The following GRIK3 variants were observed in gnomAD, a reference collection of about 807,000 sequenced individuals.
GRIK3 encodes the protein glutamate receptor ionotropic, kainate 3.
In GRIK3, 29 loss-of-function variants were observed where a neutral mutation model predicts 102.5. The observed-to-expected ratio is 0.28, with a 90% CI of 0.21 to 0.39. The LOEUF (loss-of-function observed/expected upper bound fraction) is 0.39, where lower values mean the gene tolerates loss of function less well. Among genes scored for constraint, GRIK3 ranks in the 10% least tolerant of loss-of-function variants. The pLI is 1.00. For synonymous variants in GRIK3, 511 were observed against 504.9 expected, an observed-to-expected ratio of 1.01 and a Z score of -0.16; for missense variants, 908 against 1,252.4, an observed-to-expected ratio of 0.73 and a Z score of 4.15.
intron 10 of GRIK3, among the ~76,000 whole-genome samples, chr1:36,837,022 C>T (rs1308904578): frequency 6.6e-6 from 1 of 152,018 alleles, no homozygotes; most frequent in Non-Finnish European, 1.5e-5. Flanking sequence ...GGGCCTCCTT[C>T]ACCCCATGCT....
At chr1:36,938,774 G>A (rs902732124) in intron 1 of GRIK3, among the ~76,000 whole-genome samples, 1 of 152,210 alleles carries the variant, frequency 6.6e-6, no homozygotes, top group Non-Finnish European at 1.5e-5. Flanking sequence ...CTGTTGGGGG[G>A]TTGACAGCTG....
chr1:36,903,412 CA>C (rs1641252023), intron 1 of GRIK3, among the ~76,000 whole-genome samples: 1 of 152,328 alleles, frequency 6.6e-6, no homozygotes, highest in Admixed American at 6.5e-5. Flanking sequence ...AAAAGTTTTT[CA>C]ATTGCTTATG....
At chr1:36,821,661 G>A (rs1018368997) in intron 11 of GRIK3, among the ~76,000 whole-genome samples, 17 of 152,318 alleles carry the variant, frequency 1.1e-4, no homozygotes, top group Admixed American at 5.9e-4. Flanking sequence ...AGCCCAGGCC[G>A]ACTTTGACTC....
chr1:36,913,806 C>T (rs1221206267), intron 1 of GRIK3, among the ~76,000 whole-genome samples: 1 of 152,164 alleles, frequency 6.6e-6, no homozygotes, highest in Non-Finnish European at 1.5e-5. Flanking sequence ...CACTGCCGTC[C>T]ACCATCGGCC....
At chr1:36,869,850 C>G in intron 4 of GRIK3, 49 bp from the exon 5 acceptor site, 1 of 1,362,870 alleles carries the variant, frequency 7.3e-7, no homozygotes, top group Non-Finnish European at 1.1e-6. Context: ...CCTGGGCAGC[C>G]CTCCCCACAT....
intron 1 of GRIK3, among the ~76,000 whole-genome samples, chr1:36,892,846 G>A (rs1056955429): frequency 2.0e-5 from 3 of 152,058 alleles, no homozygotes; most frequent in Non-Finnish European, 4.4e-5. Context: ...ATAGATCAAA[G>A]GAACAGGATA....
At chr1:36,983,168 C>T (rs983923704) in intron 1 of GRIK3, among the ~76,000 whole-genome samples, 4 of 152,160 alleles carry the variant, frequency 2.6e-5, no homozygotes, top group African/African-American at 7.2e-5. Context: ...ACACCGACAC[C>T]GAGGACTGCC....
intron 1 of GRIK3, among the ~76,000 whole-genome samples, chr1:37,005,284 T>C (rs993662438): frequency 6.6e-6 from 1 of 152,134 alleles, no homozygotes; most frequent in African/African-American, 2.4e-5. Context: ...TGTGGCTGCA[T>C]CTCTGTCCCC....
chr1:36,856,462 T>G (rs1008724381), intron 7 of GRIK3, among the ~76,000 whole-genome samples: 1 of 152,186 alleles, frequency 6.6e-6, no homozygotes, highest in Non-Finnish European at 1.5e-5. Context: ...GGCCTGGTAT[T>G]TTCCAGCTCC....
intron 1 of GRIK3, among the ~76,000 whole-genome samples, chr1:36,931,415 ACT>A (rs1301664150): frequency 1.3e-5 from 2 of 151,798 alleles, no homozygotes; most frequent in South Asian, 4.2e-4. Flanking sequence ...AGGTTTCATC[ACT>A]CTGTTATTTA....
Position 36,850,137 on chromosome 1 carries a change from G to C in GRIK3, c.1326+174C>G, listed in dbSNP as rs1354046372. 3.4e-6 allele frequency: 2 copies of C among 587,434 alleles called. No homozygotes were observed. The allele number at this position is 587,434 out of a possible 1,614,324, so 36.4% of individuals were successfully genotyped here. On this transcript the variant is annotated intron_variant, in intron 9 of 15. Coordinates refer to ENST00000373091, the MANE Select transcript of GRIK3 (RefSeq NM_000831.4). The surrounding 1 kb of genome is among the most constrained non-coding windows in gnomAD (Gnocchi z 4.0). ...CAGCGGCTTCCGCCCGTGGCAGCGA[G>C]CAGCGCTGCTGCGCTCCAGCTGCTC...
chr1:36,939,988 C>T (rs1641701679), intron 1 of GRIK3, among the ~76,000 whole-genome samples: 1 of 152,172 alleles, frequency 6.6e-6, no homozygotes, highest in Admixed American at 6.5e-5. Flanking sequence ...ATCTACTGGT[C>T]CTAGGCACTA....
At chr1:36,813,792 G>C (rs910284449) in intron 13 of GRIK3, among the ~76,000 whole-genome samples, 4 of 149,414 alleles carry the variant, frequency 2.7e-5, no homozygotes, top group South Asian at 4.2e-4. Flanking sequence ...CATCTGAGGT[G>C]GGGGGGCAGT....
At chr1:37,033,321 C>A (rs939005974) in intron 1 of GRIK3, among the ~76,000 whole-genome samples, 2 of 152,320 alleles carry the variant, frequency 1.3e-5, no homozygotes, top group African/African-American at 4.8e-5. Flanking sequence ...CCGCACTGGG[C>A]GGCCTCCATC....
chr1:36,894,291 G>C (rs1387339415), intron 1 of GRIK3, among the ~76,000 whole-genome samples: 2 of 152,116 alleles, frequency 1.3e-5, no homozygotes, highest in Non-Finnish European at 2.9e-5. Context: ...TATTTCGTGT[G>C]CTTTTGCGGT....
At position 36,948,114 on chromosome 1, in the gene GRIK3, C is replaced by G. The variant is rs531271; in HGVS notation, c.116-57018G>C. 8.4e-3 allele frequency among the ~76,000 whole-genome samples: 1,285 copies of G among 152,302 alleles called. 19 individuals are homozygous for G. The highest frequency in any genetic ancestry group is 0.029 in the African/African-American group (1,212 of 41,546). The stretch of plus-strand genomic sequence containing the variant: ...ATAAAAGGTTTGTGTCTCCCTTACT[C>G]TGCTCCCCCATGCAACACCTGGTAT... On this transcript the variant is annotated intron_variant, in intron 1 of 15. Coordinates refer to ENST00000373091, the MANE Select transcript of GRIK3 (RefSeq NM_000831.4).
At chr1:37,008,531 C>A (rs1642555865) in intron 1 of GRIK3, among the ~76,000 whole-genome samples, 1 of 152,254 alleles carries the variant, frequency 6.6e-6, no homozygotes, top group Admixed American at 6.5e-5. Context: ...ACCACATTTT[C>A]CCTCCCTGAC....
intron 1 of GRIK3, among the ~76,000 whole-genome samples, chr1:36,990,408 C>T (rs1642352940): frequency 6.6e-6 from 1 of 152,140 alleles, no homozygotes; most frequent in Non-Finnish European, 1.5e-5. Context: ...AGGGCAGTAC[C>T]CTTGCACCAG....
chr1:36,891,977 A>C (rs1037332675), intron 1 of GRIK3, among the ~76,000 whole-genome samples: 1 of 152,202 alleles, frequency 6.6e-6, no homozygotes, highest in Non-Finnish European at 1.5e-5. Flanking sequence ...AATAACTAAT[A>C]ATAAACCAAA....
Sources: gnomAD v4.1 joint callset for allele counts (sites outside exome capture counted in the v4.1 genomes callset) on GRCh38, gnomAD v4.1.1 for gene constraint, Gnocchi (gnomAD v3.1) non-coding constraint, MANE v1.5 for transcripts, NCBI Gene and HGNC (gene_info 2026-07-23, HGNC 2026-07-21) for gene names.